The following ADAMTSL1 variants were observed in gnomAD, a reference collection of about 807,000 sequenced individuals.
ADAMTSL1 encodes the protein ADAMTS like 1, also known as ADAMTS-like protein 1.
A neutral mutation model predicts 201.8 loss-of-function variants in ADAMTSL1; 126 were observed. The ratio of observed to expected loss-of-function variants is 0.62; its 90% CI spans 0.54 to 0.72. The LOEUF is 0.72. ADAMTSL1 is among the 30% of genes least tolerant of loss of function. ADAMTSL1 has a pLI of 0.00. For missense variants in ADAMTSL1, 2,679 were observed against 2,277.8 expected, an observed-to-expected ratio of 1.18 and a Z score of -3.59; for synonymous variants, 1,121 against 903.4, an observed-to-expected ratio of 1.24 and a Z score of -4.32.
chr9:17,934,919 AAAC>A (rs776880775), intron 1 of ADAMTSL1, among the ~76,000 whole-genome samples: 2 of 146,088 alleles, frequency 1.4e-5, no homozygotes, highest in Non-Finnish European at 3.0e-5. Context: ...AAAAAAAAAA[AAAC>A]TTCTGTATTG....
At chr9:18,031,061 G>A (rs1390534316) in intron 1 of ADAMTSL1, among the ~76,000 whole-genome samples, 2 of 151,844 alleles carry the variant, frequency 1.3e-5, no homozygotes, top group Non-Finnish European at 2.9e-5. Context: ...TTAAACTCTT[G>A]GATTGTTTTA....
chr9:18,656,916 G>A (rs1161019821), intron 7 of ADAMTSL1, among the ~76,000 whole-genome samples: 2 of 151,478 alleles, frequency 1.3e-5, no homozygotes, highest in African/African-American at 4.9e-5. Context: ...TTAAGGACTT[G>A]TCTCACATAC....
rs528946238 is a variant in ADAMTSL1, at chr9:18,709,396, A to G, written c.1876+2348A>G. ...AAGCCAACCAAAAATCTGCAGGATT[A>G]ACAAATAGATTTTAAATCAATTTTG... is the stretch of plus-strand genomic sequence containing the variant. On this transcript the variant is annotated intron_variant, in intron 14 of 28. Coordinates refer to ENST00000380548, the MANE Select transcript of ADAMTSL1 (RefSeq NM_001040272.6). Among the ~76,000 whole-genome samples the G allele has an allele frequency of 3.3e-5, 5 of 152,346 alleles. No individual in the cohort carries two copies. In the East Asian group the frequency reaches 9.7e-4, roughly 29 times the overall value.
chr9:18,297,606 C>T (rs1833524201), intron 2 of ADAMTSL1, among the ~76,000 whole-genome samples: 1 of 152,194 alleles, frequency 6.6e-6, no homozygotes, highest in African/African-American at 2.4e-5. Flanking sequence ...GCTTAATATG[C>T]ATCCCTCAGG....
chr9:18,193,032 G>C (rs1029675659), intron 2 of ADAMTSL1, among the ~76,000 whole-genome samples: 3 of 152,116 alleles, frequency 2.0e-5, no homozygotes, highest in East Asian at 3.9e-4. Context: ...AAGACATTAA[G>C]AGTGTGATGA....
At chr9:18,692,393 A>G (rs1379849211) in intron 13 of ADAMTSL1, among the ~76,000 whole-genome samples, 2 of 152,190 alleles carry the variant, frequency 1.3e-5, no homozygotes, top group African/African-American at 2.4e-5. Flanking sequence ...CAAACCAAGA[A>G]GTTCTAAATT....
intron 1 of ADAMTSL1, among the ~76,000 whole-genome samples, chr9:17,948,158 G>C (rs758438701): frequency 1.3e-5 from 2 of 152,132 alleles, no homozygotes; most frequent in South Asian, 4.1e-4. Context: ...TGCCGGGAGG[G>C]TTCATTGCAA....
At chr9:18,264,639 T>C (rs1184332746) in intron 2 of ADAMTSL1, among the ~76,000 whole-genome samples, 3 of 152,140 alleles carry the variant, frequency 2.0e-5, no homozygotes, top group African/African-American at 7.2e-5. Flanking sequence ...GTTTAACTTC[T>C]GGATGCCACA....
chr9:18,685,925 T>C (rs563678711), intron 13 of ADAMTSL1, among the ~76,000 whole-genome samples: 1 of 120,460 alleles, frequency 8.3e-6, no homozygotes, highest in East Asian at 2.0e-4. Flanking sequence ...TTTTTCCCTA[T>C]TTTTTTTTTT....
At chr9:17,913,653 G>A (rs1285940424) in intron 1 of ADAMTSL1, among the ~76,000 whole-genome samples, 1 of 151,996 alleles carries the variant, frequency 6.6e-6, no homozygotes, top group Non-Finnish European at 1.5e-5. Flanking sequence ...CTAGCAGAAG[G>A]CAAGAAATAA....
At chr9:17,990,158 A>C (rs1467104815) in intron 1 of ADAMTSL1, among the ~76,000 whole-genome samples, 1 of 152,022 alleles carries the variant, frequency 6.6e-6, no homozygotes, top group East Asian at 1.9e-4. Flanking sequence ...AATATTTCTC[A>C]AAAGGGAAGC....
intron 1 of ADAMTSL1, among the ~76,000 whole-genome samples, chr9:18,150,714 A>G (rs1332176723): frequency 6.7e-6 from 1 of 150,342 alleles, no homozygotes; most frequent in Admixed American, 6.6e-5. Context: ...AGGAGGGGGG[A>G]GAGTAATAAA....
In ADAMTSL1 at chr9:17,939,877, G is replaced by C. The variant is rs548190829; in HGVS notation, c.87+32955G>C. Among the ~76,000 whole-genome samples the C allele has an allele frequency of 9.2e-5, 14 of 152,272 alleles. No individual in the cohort carries two copies. The South Asian group carries it at 1.0e-3, about 11-fold the overall frequency. On this transcript the variant is annotated intron_variant, in intron 1 of 29. Transcript: ENST00000680146. ...AATGGAGGCCTGAGAGGACATGAAG[G>C]GGGGAGCAAAAGAGTCAGTTAAGGA...
At chr9:18,338,367 T>C (rs574447791) in intron 2 of ADAMTSL1, among the ~76,000 whole-genome samples, 7 of 152,118 alleles carry the variant, frequency 4.6e-5, no homozygotes, top group Non-Finnish European at 1.0e-4. Context: ...TGTCTGGTTT[T>C]CTATTTCCAT....
intron 4 of ADAMTSL1, among the ~76,000 whole-genome samples, chr9:18,593,067 G>A (rs987301377): frequency 6.6e-6 from 1 of 152,002 alleles, no homozygotes; most frequent in Non-Finnish European, 1.5e-5. Flanking sequence ...CATTAATTTT[G>A]TATCTGGCAA....
At chr9:18,319,984 C>G (rs527422256) in intron 2 of ADAMTSL1, among the ~76,000 whole-genome samples, 22 of 152,074 alleles carry the variant, frequency 1.4e-4, no homozygotes, top group Non-Finnish European at 3.1e-4. Flanking sequence ...CTGTTTCTAG[C>G]TTTGAAGGTA....
intron 1 of ADAMTSL1, among the ~76,000 whole-genome samples, chr9:18,079,510 G>A (rs1039330327): frequency 4.0e-5 from 6 of 151,854 alleles, no homozygotes; most frequent in Admixed American, 6.6e-5. Flanking sequence ...GTGAAACCCC[G>A]TCTCTACTAA....
intron 2 of ADAMTSL1, among the ~76,000 whole-genome samples, chr9:18,458,545 A>C (rs1235057649): frequency 6.6e-6 from 1 of 152,152 alleles, no homozygotes; most frequent in Non-Finnish European, 1.5e-5. Context: ...GTCTTCCTTC[A>C]TGTCGAGTGT....
At chr9:18,472,591 T>G (rs1399468399), upstream of ADAMTSL1, among the ~76,000 whole-genome samples, 2 of 152,250 alleles carry the variant, frequency 1.3e-5, no homozygotes, top group Admixed American at 6.5e-5. Flanking sequence ...TTGAACAACC[T>G]GCTTTTCTTC....
Sources: allele counts gnomAD v4.1 joint callset (sites outside exome capture counted in the v4.1 genomes callset), GRCh38; gene constraint gnomAD v4.1.1; transcripts MANE v1.5; gene names NCBI Gene and HGNC (gene_info 2026-07-23, HGNC 2026-07-21).